PTPRF: variants seen among roughly 807,000 people sequenced by gnomAD.
PTPRF encodes protein tyrosine phosphatase receptor type F, also known as receptor-type tyrosine-protein phosphatase F.
In PTPRF, 59 loss-of-function variants were observed where a neutral mutation model predicts 201.8. That is an observed-to-expected ratio of 0.29 (90% CI 0.24 to 0.36). The LOEUF is 0.36. PTPRF is among the 10% of genes least tolerant of loss of function. The pLI is 1.00. For missense variants in PTPRF, 2,132 were observed against 2,690.5 expected (o/e 0.79, Z 4.59); for synonymous variants, 1,088 against 1,089.7 (o/e 1.00, Z 0.03).
chr1:43,547,314 A>G (rs1644742422), intron 3 of PTPRF, among the ~76,000 whole-genome samples: 1 of 152,216 alleles, frequency 6.6e-6, no homozygotes, highest in Admixed American at 6.5e-5. Context: ...CCAAAGCCCA[A>G]ACACCAGGTC....
Position 43,606,279 on chromosome 1 carries a change from C to CGGA in PTPRF, c.3525_3526insAGG (p.Arg1178dup). On this transcript the variant is annotated inframe_insertion, in exon 20 of 34. Transcript: ENST00000359947. ...CGAGCAAGGCGGAGAGGAGCAGCGG[C>CGGA]GGCGGCGGCGGCAGGCAGAACGTCT... is the stretch of plus-strand genomic sequence containing the variant. 1.2e-5 allele frequency: 19 copies of CGGA among 1,613,224 alleles called. No individual in the cohort carries two copies. The highest frequency in any genetic ancestry group is 1.6e-5 in the Non-Finnish European group (19 of 1,179,766).
intron 22 of PTPRF, among the ~76,000 whole-genome samples, chr1:43,611,903 G>A (rs1244323294): frequency 1.5e-4 from 23 of 152,190 alleles, no homozygotes; most frequent in Admixed American, 1.5e-3. Flanking sequence ...CTGACATCAG[G>A]GCTGAAGCCC....
intron 5 of PTPRF, among the ~76,000 whole-genome samples, chr1:43,562,930 C>A (rs1212206711): frequency 6.6e-6 from 1 of 151,554 alleles, no homozygotes; most frequent in Non-Finnish European, 1.5e-5. Flanking sequence ...ATAATCCCAG[C>A]GCTTTGGGAG....
chr1:43,578,898 C>T lies in PTPRF; in HGVS notation c.657C>T (p.Ala219=), dbSNP rs1378019614. Residue 219 remains alanine (A), a synonymous_variant, in exon 7 of 34, where the codon GCC becomes GCT. Coordinates refer to ENST00000359947, the MANE Select transcript of PTPRF (RefSeq NM_002840.5). ...ATNSAGTRYS[A]PANLYVRVRR... Reference sequence around the variant, plus strand: ...ACTCGGCAGGCACACGTTACTCAGCCCCTGCGAACCTGTATGTGCGAGGTA... The same window carrying T: ...ACTCGGCAGGCACACGTTACTCAGCTCCTGCGAACCTGTATGTGCGAGGTA... 6 of 1,614,106 alleles carry T rather than the reference C, an allele frequency of 3.7e-6. No individual in the cohort carries two copies. Among genetic ancestry groups the T allele is most frequent in the Middle Eastern group, 1.6e-4 (1 of 6,084 alleles).
intron 2 of PTPRF, among the ~76,000 whole-genome samples, chr1:43,538,754 A>T (rs183669009): frequency 5.9e-5 from 9 of 152,336 alleles, no homozygotes; most frequent in Non-Finnish European, 1.2e-4. Flanking sequence ...AGGTTGTCGT[A>T]GAAAGAGCTT....
chr1:43,622,842 TA>T lies in PTPRF; in HGVS notation c.*843del, dbSNP rs1388834214. 7.2e-6 allele frequency: 1 copy of T among 139,828 alleles called. No individual in the cohort carries two copies. The highest frequency in any genetic ancestry group is 1.6e-5 in the Non-Finnish European group (1 of 63,704). The allele number at this position is 139,828 out of a possible 1,614,324, so 8.7% of individuals were successfully genotyped here. The stretch of plus-strand genomic sequence containing the variant: ...TCATCACCATCGTGTTTGCAAAGGT[TA>T]AAACAAAAACAAAAAACCACAAAAA... On this transcript the variant is annotated 3_prime_UTR_variant, in exon 34 of 34. Transcript: ENST00000359947.
At chr1:43,606,763 G>T (rs368230366) in intron 20 of PTPRF, 51 bp from the exon 21 acceptor site, 33 of 1,592,336 alleles carry the variant, frequency 2.1e-5, no homozygotes, top group Middle Eastern at 3.3e-4. Flanking sequence ...GGCAGAGGGT[G>T]GGGGGTTCTC....
intron 6 of PTPRF, 151 bp from the exon 7 acceptor site, chr1:43,578,659 T>TTCC: frequency 3.2e-6 from 2 of 629,006 alleles, no homozygotes; most frequent in Non-Finnish European, 2.8e-6. Context: ...CAGGGAGAGC[T>TTCC]TCCTGGAAGC....
chr1:43,560,055 G>A (rs1225939667), intron 5 of PTPRF, among the ~76,000 whole-genome samples: 2 of 150,736 alleles, frequency 1.3e-5, no homozygotes, highest in African/African-American at 4.9e-5. Context: ...TTGCAGGGGT[G>A]TACAGCAAGC....
chr1:43,594,596 G>A (rs1213107407), intron 11 of PTPRF, among the ~76,000 whole-genome samples: 1 of 152,158 alleles, frequency 6.6e-6, no homozygotes, highest in Non-Finnish European at 1.5e-5. Flanking sequence ...TGGCGCAGGT[G>A]AGGTGATGGC....
chr1:43,560,174 C>CTG (rs35665735), intron 5 of PTPRF, among the ~76,000 whole-genome samples: 112,937 of 149,194 alleles, frequency 0.76, 42,871 homozygotes, highest in Non-Finnish European at 0.78. Flanking sequence ...ATGCAGCAGG[C>CTG]TGTGGTGTGT....
In PTPRF at chr1:43,606,307, A is replaced by G. The variant is rs775642672; in HGVS notation, c.3551A>G (p.Lys1184Arg). The change falls in exon 20 of 34, where the codon AAG (lysine) becomes AGG (arginine). Residue 1184 changes from lysine to arginine, a missense_variant. Transcript: ENST00000359947. ...RRRRRQAERL[K>R]PYVAAQLDVL... ...CGGCGGCGGCAGGCAGAACGTCTGA[A>G]GCCATATGTGGCTGCTCAACTGGAT... 45 of 1,613,998 alleles carry G rather than the reference A, an allele frequency of 2.8e-5. No individual in the cohort carries two copies. The Admixed American group carries it at 7.3e-4, about 26-fold the overall frequency.
chr1:43,590,502 C>T (rs1650374761), intron 8 of PTPRF, among the ~76,000 whole-genome samples: 1 of 152,168 alleles, frequency 6.6e-6, no homozygotes, highest in African/African-American at 2.4e-5. Context: ...GGCCAGCAGC[C>T]CCATCACTCT....
At position 43,547,647 on chromosome 1, in the gene PTPRF, G is replaced by A. The variant is rs6689173; in HGVS notation, c.91+2481G>A. Among the ~76,000 whole-genome samples the A allele has an allele frequency of 4.5e-3, 688 of 152,374 alleles. 4 individuals carry two copies. The highest frequency in any genetic ancestry group is 0.015 in the African/African-American group (641 of 41,596). Reference sequence around the variant, plus strand: ...GAATTGACAGCTGGGGCAGTGAAGCGCGGAGTGGACAAATGTGTTTCAATA... The same window carrying A: ...GAATTGACAGCTGGGGCAGTGAAGCACGGAGTGGACAAATGTGTTTCAATA... On this transcript the variant is annotated intron_variant, in intron 3 of 33. Transcript: ENST00000359947.
At chr1:43,574,768 C>T (rs1390472229) in intron 6 of PTPRF, among the ~76,000 whole-genome samples, 3 of 152,256 alleles carry the variant, frequency 2.0e-5, no homozygotes, top group African/African-American at 7.2e-5. Flanking sequence ...CCTTTGCCCT[C>T]TCCCCTGCCT....
rs1644391431 is a variant in PTPRF, at chr1:43,542,017, A to T, written c.-45-3014A>T. 6.6e-6 allele frequency among the ~76,000 whole-genome samples: 1 copy of T among 152,176 alleles called. No individual in the cohort carries two copies. Among genetic ancestry groups the T allele is most frequent in the South Asian group, 2.1e-4 (1 of 4,826 alleles). On this transcript the variant is annotated intron_variant, in intron 2 of 33. Coordinates refer to ENST00000359947, the MANE Select transcript of PTPRF (RefSeq NM_002840.5). The surrounding 1 kb of genome is among the most constrained non-coding windows in gnomAD (Gnocchi z 5.2). ...CGTTGCATGGATTCACAAGATGCTCAACCTCGCAACCGCAGTCAGGCTAGC... is the reference window on the plus strand; with the variant it reads ...CGTTGCATGGATTCACAAGATGCTCTACCTCGCAACCGCAGTCAGGCTAGC...
In PTPRF at chr1:43,592,715, CA is replaced by C; in HGVS notation, c.1813+117del. ...AGGTGGGGTGGTCAGGTCTGCTGGC[CA>C]AACCGAACTCTGGCCTGGGCTCTGA... On this transcript the variant is annotated intron_variant, in intron 11 of 33. Transcript: ENST00000359947. 3.2e-6 allele frequency: 4 copies of C among 1,258,400 alleles called. No individual in the cohort carries two copies. In the Middle Eastern group the frequency reaches 8.5e-4, roughly 266 times the overall value. 78.0% of individuals were successfully genotyped at this position (1,258,400 alleles called of 1,614,324 possible).
intron 10 of PTPRF, 50 bp downstream of exon 10, chr1:43,591,998 T>C (rs775277264): frequency 1.2e-6 from 2 of 1,606,008 alleles, no homozygotes; most frequent in Non-Finnish European, 1.7e-6. Flanking sequence ...TCCCTGAGGG[T>C]CTGTGATGGG....
chr1:43,581,801 A>G (rs1647726582), intron 7 of PTPRF, among the ~76,000 whole-genome samples: 2 of 152,192 alleles, frequency 1.3e-5, no homozygotes, highest in Non-Finnish European at 2.9e-5. Flanking sequence ...CTCCCACAGC[A>G]GGCTCCTGAG....
Sources: gnomAD v4.1 joint callset for allele counts (sites outside exome capture counted in the v4.1 genomes callset) on GRCh38, gnomAD v4.1.1 for gene constraint, Gnocchi (gnomAD v3.1) non-coding constraint, MANE v1.5 for transcripts, NCBI Gene and HGNC (gene_info 2026-07-23, HGNC 2026-07-21) for gene names.